BLTP3B: variants seen among roughly 807,000 people sequenced by gnomAD.
BLTP3B encodes bridge-like lipid transfer protein family member 3B.
the BLTP3B span, chr12:100,057,953 AAAC>A: frequency 6.7e-7 from 1 of 1,483,608 alleles, no homozygotes; most frequent in African/African-American, 1.4e-5. Context: ...TTCTGCCTCA[AAAC>A]AAAATACACT....
chr12:100,093,414 T>C, the BLTP3B span, among the ~76,000 whole-genome samples: 10 of 152,174 alleles, frequency 6.6e-5, no homozygotes, highest in African/African-American at 9.7e-5. Flanking sequence ...TGATCTACTA[T>C]AAAAAAATTA....
chr12:100,102,060 A>G, the BLTP3B span, among the ~76,000 whole-genome samples: 2 of 151,828 alleles, frequency 1.3e-5, no homozygotes, highest in South Asian at 4.2e-4. Flanking sequence ...TCAGCCTCCC[A>G]AAGTGCTGGT....
the BLTP3B span, chr12:100,039,770 A>G: frequency 1.2e-6 from 2 of 1,613,090 alleles, no homozygotes; most frequent in Non-Finnish European, 8.5e-7. Flanking sequence ...AATCATTTCC[A>G]GTGTTAAGCA....
chr12:100,057,228 T>C, the BLTP3B span, among the ~76,000 whole-genome samples: 1 of 152,106 alleles, frequency 6.6e-6, no homozygotes, highest in African/African-American at 2.4e-5. Context: ...ATACATATAA[T>C]TGCTGGATCT....
the BLTP3B span, among the ~76,000 whole-genome samples, chr12:100,068,461 C>T: frequency 6.6e-6 from 1 of 152,138 alleles, no homozygotes; most frequent in Non-Finnish European, 1.5e-5. Context: ...GACCAAGAAC[C>T]TAAAGGGGAA....
At chr12:100,048,159 A>G in the BLTP3B span, 10 of 1,604,290 alleles carry the variant, frequency 6.2e-6, no homozygotes, top group Non-Finnish European at 8.5e-6. Context: ...AAATCTCAGG[A>G]GAGGATTTGG....
the BLTP3B span, among the ~76,000 whole-genome samples, chr12:100,048,782 G>A: frequency 5.6e-4 from 84 of 149,894 alleles, no homozygotes; most frequent in Non-Finnish European, 9.5e-4. Flanking sequence ...GTGTGTGTGT[G>A]TGTGTGTGTG....
chr12:100,086,580 T>C, the BLTP3B span, among the ~76,000 whole-genome samples: 1 of 152,200 alleles, frequency 6.6e-6, no homozygotes, highest in African/African-American at 2.4e-5. Context: ...AATATAAGAA[T>C]AGCAGAATCC....
chr12:100,059,253 T>C, the BLTP3B span: 4 of 1,613,964 alleles, frequency 2.5e-6, no homozygotes, highest in South Asian at 3.3e-5. Flanking sequence ...GGGAGTAATA[T>C]TTCCTTTATA....
chr12:100,139,888 T>TGGG, the BLTP3B span, among the ~76,000 whole-genome samples: 1 of 152,180 alleles, frequency 6.6e-6, no homozygotes, highest in Non-Finnish European at 1.5e-5. Flanking sequence ...ACTGGCAATA[T>TGGG]GGGGGCTCAC....
chr12:100,130,949 C>T, the BLTP3B span, among the ~76,000 whole-genome samples: 31 of 97,544 alleles, frequency 3.2e-4, 1 homozygote, highest in Non-Finnish European at 5.4e-4. Flanking sequence ...TACATACATA[C>T]ATATATATAT....
At chr12:100,084,588 T>C in the BLTP3B span, 5 of 1,614,148 alleles carry the variant, frequency 3.1e-6, no homozygotes, top group Non-Finnish European at 8.5e-7. Context: ...ATTCATGCAA[T>C]AACTCATTGG....
At chr12:100,136,136 A>G in the BLTP3B span, among the ~76,000 whole-genome samples, 3 of 151,372 alleles carry the variant, frequency 2.0e-5, no homozygotes, top group Non-Finnish European at 4.4e-5. Context: ...GCTTGAACCC[A>G]GGAGGCAGAG....
the BLTP3B span, among the ~76,000 whole-genome samples, chr12:100,130,997 G>C: frequency 2.7e-5 from 2 of 74,398 alleles, no homozygotes; most frequent in South Asian, 6.5e-4. Flanking sequence ...GAGAGAGAGA[G>C]AGAGAGAGAG....
chr12:100,060,053 C>G, the BLTP3B span: 1 of 1,548,154 alleles, frequency 6.5e-7, no homozygotes, highest in Non-Finnish European at 8.7e-7. Flanking sequence ...ACTGTGGAGA[C>G]AAGATGTTTT....
At chr12:100,072,859 T>A in the BLTP3B span, 1 of 1,539,544 alleles carries the variant, frequency 6.5e-7, no homozygotes, top group Middle Eastern at 1.7e-4. Flanking sequence ...AATAAAAACC[T>A]TTCCAAATAA....
the BLTP3B span, chr12:100,142,547 C>T: frequency 1.9e-6 from 3 of 1,595,130 alleles, no homozygotes; most frequent in Non-Finnish European, 2.6e-6. Flanking sequence ...CCAGTGCGGG[C>T]TGGGGTGGAG....
At chr12:100,134,427 A>G in the BLTP3B span, among the ~76,000 whole-genome samples, 10 of 151,984 alleles carry the variant, frequency 6.6e-5, no homozygotes, top group African/African-American at 2.4e-4. Context: ...CCAACATGAT[A>G]AAACCTCATC....
the BLTP3B span, among the ~76,000 whole-genome samples, chr12:100,082,772 C>T: frequency 1.3e-5 from 2 of 152,280 alleles, no homozygotes; most frequent in Non-Finnish European, 2.9e-5. Flanking sequence ...GTAATGAGAA[C>T]ATGCTGTTTT....
Sources: gnomAD v4.1 joint callset for allele counts (sites outside exome capture counted in the v4.1 genomes callset) on GRCh38, gnomAD v4.1.1 for gene constraint, MANE v1.5 for transcripts, NCBI Gene and HGNC (gene_info 2026-07-23, HGNC 2026-07-21) for gene names.